The following HMGCLL1 variants were observed in gnomAD, a reference collection of about 807,000 sequenced individuals.
HMGCLL1 encodes 3-hydroxymethyl-3-methylglutaryl-CoA lyase, cytoplasmic.
HMGCLL1 carries 36 observed loss-of-function variants against 39.1 expected under a neutral mutation model. That is an observed-to-expected ratio of 0.92 (90% CI 0.71 to 1.22). The LOEUF (loss-of-function observed/expected upper bound fraction) is 1.22, where lower values mean the gene tolerates loss of function less well. Ranked by LOEUF, HMGCLL1 falls within the 50% of genes most tolerant of loss-of-function variation. The pLI is 0.00. For missense variants in HMGCLL1, 451 were observed against 416.5 expected, an observed-to-expected ratio of 1.08 and a Z score of -0.72; for synonymous variants, 149 against 144.0, an observed-to-expected ratio of 1.03 and a Z score of -0.25.
chr6:55,542,116 G>T lies in HMGCLL1; in HGVS notation c.133C>A (p.Pro45Thr). The change falls in exon 2 of 9, where the codon CCT (proline) becomes ACT (threonine). Residue 45 changes from proline to threonine, a missense_variant. Pro to Thr is a conservative substitution (Grantham distance 38). Transcript: ENST00000274901. ...ACTTCTACTATTTTAACAAACTCAG[G>T]GAGTCCAGATAACTGGGATGTTTCC... Reference protein sequence around the residue: ...AQETSQLSGLPEFVKIVEVGP... With the variant: ...AQETSQLSGLTEFVKIVEVGP... The T allele has an allele frequency of 6.2e-7, 1 of 1,609,312 alleles. No homozygotes were observed. Among genetic ancestry groups the T allele is most frequent in the Non-Finnish European group, 8.5e-7 (1 of 1,176,928 alleles).
At chr6:55,588,348 G>T in the HMGCLL1 span, among the ~76,000 whole-genome samples, 87 of 152,076 alleles carry the variant, frequency 5.7e-4, no homozygotes, top group African/African-American at 2.0e-3. Context: ...GATGTTCTTT[G>T]AAACCATCGA....
At chr6:55,616,255 A>T in the HMGCLL1 span, among the ~76,000 whole-genome samples, 1 of 152,106 alleles carries the variant, frequency 6.6e-6, no homozygotes, top group African/African-American at 2.4e-5. Context: ...TTGATGCTTC[A>T]TAAACCCTTG....
chr6:55,550,250 T>C (rs1364539750), intron 1 of HMGCLL1, among the ~76,000 whole-genome samples: 1 of 151,972 alleles, frequency 6.6e-6, no homozygotes, highest in East Asian at 1.9e-4. Flanking sequence ...TGTTGTGAGA[T>C]GTTGCTCAGG....
chr6:55,635,737 G>A, the HMGCLL1 span, among the ~76,000 whole-genome samples: 1 of 152,160 alleles, frequency 6.6e-6, no homozygotes, highest in African/African-American at 2.4e-5. Flanking sequence ...GAAAGAAAGA[G>A]TAAAGAGAGC....
At chr6:55,476,533 C>A (rs1037271196) in intron 7 of HMGCLL1, among the ~76,000 whole-genome samples, 1 of 151,492 alleles carries the variant, frequency 6.6e-6, no homozygotes, top group African/African-American at 2.4e-5. Context: ...TCATCCTTCC[C>A]AACTTGTACA....
chr6:55,568,883 A>G (rs536458890), intron 1 of HMGCLL1, among the ~76,000 whole-genome samples: 2 of 152,144 alleles, frequency 1.3e-5, no homozygotes, highest in East Asian at 3.9e-4. Context: ...ACAAACAGCT[A>G]AACTTGGAAG....
chr6:55,543,470 CATATATA>C (rs1451283317), intron 1 of HMGCLL1, among the ~76,000 whole-genome samples: 298 of 8,780 alleles, frequency 0.034, 7 homozygotes, highest in Middle Eastern at 0.19. Context: ...TCATATATAT[CATATATA>C]ATATATATAT....
chr6:55,570,936 G>C (rs6917049), intron 1 of HMGCLL1, among the ~76,000 whole-genome samples: 1 of 152,038 alleles, frequency 6.6e-6, no homozygotes, highest in Non-Finnish European at 1.5e-5. Flanking sequence ...GGCGGCAGGC[G>C]AGAGAGAATG....
At chr6:55,533,963 G>A (rs997655488) in intron 3 of HMGCLL1, among the ~76,000 whole-genome samples, 7 of 151,600 alleles carry the variant, frequency 4.6e-5, no homozygotes, top group African/African-American at 1.7e-4. Flanking sequence ...AACAGGTCTG[G>A]ACATAAAAAA....
intron 7 of HMGCLL1, among the ~76,000 whole-genome samples, chr6:55,493,753 G>T (rs1363493548): frequency 1.3e-5 from 2 of 150,040 alleles, no homozygotes; most frequent in African/African-American, 4.9e-5. Context: ...TTTTTTTTGA[G>T]AAGGAGTCTT....
intron 3 of HMGCLL1, among the ~76,000 whole-genome samples, chr6:55,533,824 T>G (rs1036279694): frequency 7.4e-6 from 1 of 135,174 alleles, no homozygotes; most frequent in African/African-American, 2.7e-5. Flanking sequence ...AGGCGGAGCT[T>G]GCAGTGAGCC....
the HMGCLL1 span, among the ~76,000 whole-genome samples, chr6:55,613,342 G>T: frequency 2.0e-5 from 3 of 152,096 alleles, no homozygotes; most frequent in Non-Finnish European, 4.4e-5. Flanking sequence ...TTACATTGTT[G>T]GTAGGAATGT....
intron 7 of HMGCLL1, among the ~76,000 whole-genome samples, chr6:55,442,100 C>G (rs901632734): frequency 1.3e-5 from 2 of 152,070 alleles, no homozygotes; most frequent in Non-Finnish European, 2.9e-5. Context: ...TATATAATAT[C>G]AATATAAATT....
At chr6:55,443,240 C>G (rs1346253729) in intron 7 of HMGCLL1, among the ~76,000 whole-genome samples, 1 of 152,050 alleles carries the variant, frequency 6.6e-6, no homozygotes, top group Admixed American at 6.6e-5. Flanking sequence ...AAACAGTTAA[C>G]CAGGACTGGT....
chr6:55,600,383 G>A, the HMGCLL1 span, among the ~76,000 whole-genome samples: 4 of 152,046 alleles, frequency 2.6e-5, no homozygotes, highest in Admixed American at 2.0e-4. Flanking sequence ...TTTTAAAGCA[G>A]GCAACATCAC....
intron 7 of HMGCLL1, among the ~76,000 whole-genome samples, chr6:55,461,358 G>A (rs563767774): frequency 1.5e-4 from 23 of 151,932 alleles, no homozygotes; most frequent in South Asian, 4.1e-4. Context: ...AACAAGAAAC[G>A]CAAATCACAT....
chr6:55,600,022 TCTTA>T, the HMGCLL1 span, among the ~76,000 whole-genome samples: 1 of 152,234 alleles, frequency 6.6e-6, no homozygotes, highest in Non-Finnish European at 1.5e-5. Flanking sequence ...AAAATTATTC[TCTTA>T]CTTCAGTGTT....
chr6:55,585,252 C>T, the HMGCLL1 span, among the ~76,000 whole-genome samples: 1 of 152,050 alleles, frequency 6.6e-6, no homozygotes, highest in Non-Finnish European at 1.5e-5. Flanking sequence ...CACATTTATC[C>T]AGATGTAGGA....
rs139049389 is a variant in HMGCLL1, at chr6:55,545,925, T to C, written c.109-3785A>G. Among the ~76,000 whole-genome samples the C allele has an allele frequency of 9.9e-5, 15 of 152,190 alleles. No homozygotes were observed. The East Asian group carries it at 2.7e-3, about 27-fold the overall frequency. ...CATTTAAAAATGAGAAACTAGAGGA[T>C]GACCAGGTAACACCAGCATATGCAA... is the stretch of plus-strand genomic sequence containing the variant. On this transcript the variant is annotated intron_variant, in intron 1 of 8. Coordinates refer to ENST00000274901, the MANE Select transcript of HMGCLL1 (RefSeq NM_001042406.2).
Sources: allele counts gnomAD v4.1 joint callset (sites outside exome capture counted in the v4.1 genomes callset), GRCh38; gene constraint gnomAD v4.1.1; transcripts MANE v1.5; gene names NCBI Gene and HGNC (gene_info 2026-07-23, HGNC 2026-07-21).